Variants in DYM observed in about 807,000 individuals in gnomAD.
The protein encoded by DYM is dymeclin, also known as dyggve-Melchior-Clausen syndrome protein.
Under a neutral mutation model 93.1 loss-of-function variants are expected in DYM, and 78 were observed. The observed-to-expected ratio is 0.84, with a 90% CI of 0.70 to 1.01. DYM has a LOEUF of 1.01. DYM is among the 50% of genes least tolerant of loss of function. DYM has a pLI of 0.00. For synonymous variants in DYM, 321 were observed against 319.7 expected (o/e 1.00, Z -0.04); for missense variants, 789 against 845.0 (o/e 0.93, Z 0.82).
intron 17 of DYM, among the ~76,000 whole-genome samples, chr18:49,086,966 T>C (rs2078597439): frequency 6.6e-6 from 1 of 151,542 alleles, no homozygotes; most frequent in Non-Finnish European, 1.5e-5. Context: ...CTAGCCCGGG[T>C]AACAGAGTGA....
intron 16 of DYM, among the ~76,000 whole-genome samples, chr18:49,100,872 T>C (rs11082728): frequency 0.16 from 25,035 of 152,176 alleles, 2,377 homozygotes; most frequent in East Asian, 0.39. Context: ...TCTTCCTACT[T>C]TATCATGTCT....
At chr18:49,421,481 C>T (rs1387775585) in intron 2 of DYM, among the ~76,000 whole-genome samples, 1 of 152,112 alleles carries the variant, frequency 6.6e-6, no homozygotes, top group African/African-American at 2.4e-5. Context: ...GACATCCACA[C>T]CAAACCCCAT....
intron 2 of DYM, among the ~76,000 whole-genome samples, chr18:49,406,455 G>A (rs1237269201): frequency 1.3e-5 from 2 of 152,080 alleles, no homozygotes; most frequent in Non-Finnish European, 2.9e-5. Context: ...CAGCTACTCA[G>A]GAGGTTGAGG....
At chr18:49,291,637 A>G (rs1339649048) in intron 8 of DYM, among the ~76,000 whole-genome samples, 2 of 152,170 alleles carry the variant, frequency 1.3e-5, no homozygotes, top group Non-Finnish European at 2.9e-5. Context: ...TTGTTTTTTA[A>G]TACAGGAAGG....
chr18:49,310,592 A>G (rs1366990507), intron 8 of DYM, among the ~76,000 whole-genome samples: 1 of 152,204 alleles, frequency 6.6e-6, no homozygotes, highest in African/African-American at 2.4e-5. Flanking sequence ...CAAAAGAATT[A>G]TTAGATATTT....
intron 14 of DYM, among the ~76,000 whole-genome samples, chr18:49,191,073 G>C (rs1022483971): frequency 1.4e-4 from 21 of 150,738 alleles, no homozygotes; most frequent in Admixed American, 3.3e-4. Context: ...TGATTGTGCT[G>C]GGGGGAGTGC....
chr18:49,399,434 CCA>C lies in DYM; in HGVS notation c.141-7791_141-7790del, dbSNP rs372364803. 4.3e-4 allele frequency among the ~76,000 whole-genome samples: 66 copies of C among 152,254 alleles called. 1 individual carries two copies. The South Asian group carries it at 0.013, about 31-fold the overall frequency. The stretch of plus-strand genomic sequence containing the variant: ...AAAAGTATTCTAGACGGCTGGAATA[CCA>C]AGTTCAGTCTCTCCATTTTTGTTTT... On this transcript the variant is annotated intron_variant, in intron 2 of 17. Transcript: ENST00000675505.
At chr18:49,298,557 G>A (rs983028669) in intron 8 of DYM, among the ~76,000 whole-genome samples, 3 of 147,662 alleles carry the variant, frequency 2.0e-5, no homozygotes, top group Non-Finnish European at 3.0e-5. Context: ...CTCCAGCCTG[G>A]GTGACAAGAG....
At chr18:49,403,755 G>T (rs530367528) in intron 2 of DYM, among the ~76,000 whole-genome samples, 24 of 150,532 alleles carry the variant, frequency 1.6e-4, no homozygotes, top group African/African-American at 5.4e-4. Flanking sequence ...TCCCCCCATA[G>T]TAGTACCCAG....
chr18:49,447,095 A>T (rs1324972848), intron 1 of DYM, among the ~76,000 whole-genome samples: 1 of 151,984 alleles, frequency 6.6e-6, no homozygotes, highest in East Asian at 1.9e-4. Flanking sequence ...CCTAAAGGAC[A>T]AGAAGGGTTG....
intron 15 of DYM, among the ~76,000 whole-genome samples, chr18:49,158,993 C>T (rs2086768073): frequency 1.3e-5 from 2 of 152,084 alleles, no homozygotes; most frequent in Non-Finnish European, 1.5e-5. Flanking sequence ...TAAAATATCT[C>T]ATGTACCCTA....
intron 17 of DYM, among the ~76,000 whole-genome samples, chr18:49,076,178 T>A (rs1041658940): frequency 3.3e-5 from 5 of 152,234 alleles, no homozygotes; most frequent in Non-Finnish European, 7.3e-5. Context: ...TGTATCTGTG[T>A]GTCTCTGTAT....
rs150562377 is a variant in DYM, at chr18:49,453,611, A to G, written c.-54+6787T>C. Among the ~76,000 whole-genome samples, 52 of 152,326 alleles carry G rather than the reference A, an allele frequency of 3.4e-4. 2 individuals carry two copies. The East Asian group carries it at 9.3e-3, about 27-fold the overall frequency. On this transcript the variant is annotated intron_variant, in intron 1 of 17. Transcript: ENST00000675505. ...GTCCGTGGCTTCATTCTTGAAGTCA[A>G]TGAGACCAAGAACCCACCAATTCTG...
At chr18:49,352,536 A>G (rs2065200268) in intron 6 of DYM, among the ~76,000 whole-genome samples, 1 of 152,198 alleles carries the variant, frequency 6.6e-6, no homozygotes, top group Non-Finnish European at 1.5e-5. Flanking sequence ...GTTGGGATAC[A>G]GACTGACTAC....
At chr18:49,139,945 G>C (rs767712306) in intron 15 of DYM, among the ~76,000 whole-genome samples, 1 of 151,732 alleles carries the variant, frequency 6.6e-6, no homozygotes, top group South Asian at 2.1e-4. Context: ...TAGGCACAGC[G>C]GTAATCCTGC....
At chr18:49,077,313 TCA>T (rs1314171873) in intron 17 of DYM, among the ~76,000 whole-genome samples, 1 of 152,246 alleles carries the variant, frequency 6.6e-6, no homozygotes. Context: ...GCTTTCTCTC[TCA>T]GTTTTGCCTT....
chr18:49,353,186 C>T (rs1185130465), intron 6 of DYM, among the ~76,000 whole-genome samples: 1 of 152,084 alleles, frequency 6.6e-6, no homozygotes, highest in East Asian at 1.9e-4. Context: ...CCTAACTTAG[C>T]TCCAATCATG....
At chr18:49,392,052 A>C (rs2049221531) in intron 2 of DYM, among the ~76,000 whole-genome samples, 1 of 152,198 alleles carries the variant, frequency 6.6e-6, no homozygotes, top group Non-Finnish European at 1.5e-5. Context: ...TGATTGCTAC[A>C]ATACTTTCAA....
chr18:49,314,917 A>T (rs1398595423), intron 8 of DYM, among the ~76,000 whole-genome samples: 2 of 152,196 alleles, frequency 1.3e-5, no homozygotes. Flanking sequence ...AAGATTGCTT[A>T]AAGGCCAGGC....
Sources: gnomAD v4.1 joint callset for allele counts (sites outside exome capture counted in the v4.1 genomes callset) on GRCh38, gnomAD v4.1.1 for gene constraint, MANE v1.5 for transcripts, NCBI Gene and HGNC (gene_info 2026-07-23, HGNC 2026-07-21) for gene names.